PTPRN2: variants seen among roughly 807,000 people sequenced by gnomAD.
PTPRN2 encodes the protein receptor-type tyrosine-protein phosphatase N2.
In PTPRN2, 74 loss-of-function variants were observed where a neutral mutation model predicts 118.8. That is an observed-to-expected ratio of 0.62 (90% CI 0.52 to 0.76). The LOEUF (loss-of-function observed/expected upper bound fraction) is 0.76, where lower values mean the gene tolerates loss of function less well. Ranked by LOEUF, PTPRN2 falls within the 30% of genes least tolerant of loss-of-function variation. The probability of loss-of-function intolerance (pLI) is 0.00; values close to 1 mark genes in which losing one functional copy is unlikely to be tolerated. For synonymous variants in PTPRN2, 641 were observed against 608.0 expected (o/e 1.05, Z -0.80); for missense variants, 1,481 against 1,394.4 (o/e 1.06, Z -0.99).
At chr7:157,684,649 T>C (rs1585234353) in intron 12 of PTPRN2, among the ~76,000 whole-genome samples, 1 of 127,898 alleles carries the variant, frequency 7.8e-6, no homozygotes, top group Admixed American at 8.8e-5. Flanking sequence ...AAGAAGTCAC[T>C]CTAGAGCCGC....
intron 2 of PTPRN2, among the ~76,000 whole-genome samples, chr7:158,321,267 T>C (rs753031466): frequency 6.6e-6 from 1 of 152,128 alleles, no homozygotes; most frequent in Non-Finnish European, 1.5e-5. Context: ...GACCATTTAA[T>C]CACCCTAGAA....
At chr7:157,921,037 T>C (rs930272639) in intron 11 of PTPRN2, among the ~76,000 whole-genome samples, 9 of 152,234 alleles carry the variant, frequency 5.9e-5, no homozygotes, top group African/African-American at 1.9e-4. Flanking sequence ...TGGATGTTTA[T>C]TGCAGCTTAG....
At chr7:157,783,153 G>T (rs548346770) in intron 12 of PTPRN2, among the ~76,000 whole-genome samples, 2 of 152,270 alleles carry the variant, frequency 1.3e-5, no homozygotes, top group South Asian at 2.1e-4. Flanking sequence ...TGCTGTGATT[G>T]TAAGTTTCCT....
intron 11 of PTPRN2, among the ~76,000 whole-genome samples, chr7:158,008,703 T>G (rs902128373): frequency 6.6e-6 from 1 of 152,260 alleles, no homozygotes; most frequent in African/African-American, 2.4e-5. Flanking sequence ...GTGATTTATC[T>G]TCACACAGCG....
chr7:157,897,377 T>A (rs545992416), intron 12 of PTPRN2, among the ~76,000 whole-genome samples: 1 of 152,234 alleles, frequency 6.6e-6, no homozygotes, highest in Admixed American at 6.5e-5. Flanking sequence ...TGCAGGTGGC[T>A]CTCGGCAGCC....
chr7:158,328,181 C>G (rs1342784406), intron 2 of PTPRN2, among the ~76,000 whole-genome samples: 1 of 152,180 alleles, frequency 6.6e-6, no homozygotes, highest in Non-Finnish European at 1.5e-5. Flanking sequence ...GGCATCCAGT[C>G]ATAACTGCTG....
Position 158,340,509 on chromosome 7 carries a change from T to C in PTPRN2, c.164-23577A>G, listed in dbSNP as rs1563174504. 4.0e-5 allele frequency among the ~76,000 whole-genome samples: 5 copies of C among 123,876 alleles called. No homozygotes were observed. In the South Asian group the frequency reaches 1.5e-3, roughly 38 times the overall value. 81.3% of individuals were successfully genotyped at this position (123,876 alleles called of 152,430 possible). A position where few individuals can be genotyped will look rare whatever the true frequency, so the allele number is the denominator to read the frequency against. On this transcript the variant is annotated intron_variant, in intron 2 of 22. Transcript: ENST00000389418. ...AATAGGTGACACCTGCAGACGTCAC[T>C]CACACCCACATTCTCACCATAAGAG...
chr7:158,187,360 G>A (rs7795572), intron 5 of PTPRN2, among the ~76,000 whole-genome samples: 5,757 of 152,244 alleles, frequency 0.038, 382 homozygotes, highest in African/African-American at 0.13. Context: ...ATAATTCACA[G>A]GAAGTTGATT....
chr7:158,246,625 T>C (rs1796267519), intron 3 of PTPRN2, among the ~76,000 whole-genome samples: 1 of 151,830 alleles, frequency 6.6e-6, no homozygotes, highest in South Asian at 2.1e-4. Flanking sequence ...TTTTTGACCT[T>C]TTTAAAGACT....
At chr7:158,452,906 G>A (rs1436244921) in intron 2 of PTPRN2, among the ~76,000 whole-genome samples, 1 of 152,238 alleles carries the variant, frequency 6.6e-6, no homozygotes, top group Non-Finnish European at 1.5e-5. Context: ...TGGCTCAGGG[G>A]CACAGAGGGC....
rs1221259138 is a variant in PTPRN2 at position 158,270,815 on chromosome 7, C to T, written c.277+46004G>A. On this transcript the variant is annotated intron_variant, in intron 3 of 22. Coordinates refer to ENST00000389418, the MANE Select transcript of PTPRN2 (RefSeq NM_002847.5). Reference sequence around the variant, plus strand: ...CACCTGGACCACCCCCTCACCTGGACCGCCCCCTCCACCTGGATGACCCCC... The same window carrying T: ...CACCTGGACCACCCCCTCACCTGGATCGCCCCCTCCACCTGGATGACCCCC... Among the ~76,000 whole-genome samples, 47 of 7,796 alleles carry T rather than the reference C, an allele frequency of 6.0e-3. 1 individual carries two copies. Among genetic ancestry groups the T allele is most frequent in the South Asian group, 0.016 (3 of 182 alleles). 5.1% of individuals were successfully genotyped at this position (7,796 alleles called of 152,430 possible). A position where few individuals can be genotyped will look rare whatever the true frequency, so the allele number is the denominator to read the frequency against.
intron 1 of PTPRN2, among the ~76,000 whole-genome samples, chr7:158,561,943 G>A (rs571901875): frequency 6.6e-4 from 100 of 152,324 alleles, no homozygotes; most frequent in African/African-American, 2.3e-3. Context: ...GAGGAACACT[G>A]AGAGGAAGCT....
chr7:158,054,627 C>T (rs1809639321), intron 11 of PTPRN2, among the ~76,000 whole-genome samples: 1 of 152,188 alleles, frequency 6.6e-6, no homozygotes, highest in Non-Finnish European at 1.5e-5. Context: ...CCAGGAGAGG[C>T]CCTTTGGCGG....
chr7:158,329,823 G>C (rs1267347650), intron 2 of PTPRN2, among the ~76,000 whole-genome samples: 9 of 152,168 alleles, frequency 5.9e-5, no homozygotes, highest in African/African-American at 9.7e-5. Context: ...GCTCGAGGCT[G>C]TGTCCTCTAC....
At chr7:158,079,242 C>T (rs986391101) in intron 11 of PTPRN2, among the ~76,000 whole-genome samples, 5 of 152,128 alleles carry the variant, frequency 3.3e-5, no homozygotes, top group Admixed American at 1.3e-4. Flanking sequence ...ATTTTGCACA[C>T]GTTCAAGAAG....
intron 3 of PTPRN2, among the ~76,000 whole-genome samples, chr7:158,245,623 G>A (rs1387996153): frequency 6.6e-6 from 1 of 152,084 alleles, no homozygotes; most frequent in African/African-American, 2.4e-5. Context: ...TTTCCAGACT[G>A]GGTTTGTTTG....
intron 12 of PTPRN2, among the ~76,000 whole-genome samples, chr7:157,699,215 G>C (rs533815707): frequency 6.6e-6 from 1 of 152,140 alleles, no homozygotes; most frequent in South Asian, 2.1e-4. Context: ...TTTAAGAAAA[G>C]TGCCTATGTA....
intron 1 of PTPRN2, among the ~76,000 whole-genome samples, chr7:158,536,991 C>T (rs1049302174): frequency 6.6e-6 from 1 of 152,148 alleles, no homozygotes; most frequent in Non-Finnish European, 1.5e-5. Context: ...CCCTCTGGGA[C>T]ATGACTGGGC....
chr7:158,511,667 G>T lies in PTPRN2; in HGVS notation c.113-21882C>A, dbSNP rs60876184. ...ACACATCAGCTTCACCCATGTTTCC[G>T]GCTAAGCGTCATGTCCCCGCACACC... On this transcript the variant is annotated intron_variant, in intron 1 of 22. Coordinates refer to ENST00000389418, the MANE Select transcript of PTPRN2 (RefSeq NM_002847.5). Among the ~76,000 whole-genome samples the T allele has an allele frequency of 7.2e-5, 11 of 152,226 alleles. No individual in the cohort carries two copies. In the South Asian group the frequency reaches 2.3e-3, roughly 32 times the overall value.
Sources: allele counts gnomAD v4.1 joint callset (sites outside exome capture counted in the v4.1 genomes callset), GRCh38; gene constraint gnomAD v4.1.1; transcripts MANE v1.5; gene names NCBI Gene and HGNC (gene_info 2026-07-23, HGNC 2026-07-21).